Variants in FBXL2 observed in about 807,000 individuals in gnomAD.
FBXL2 encodes the protein F-box and leucine rich repeat protein 2.
Under a neutral mutation model 69.2 loss-of-function variants are expected in FBXL2, and 38 were observed. The ratio of observed to expected loss-of-function variants is 0.55; its 90% CI spans 0.42 to 0.72. FBXL2 has a LOEUF of 0.72. Ranked by LOEUF, FBXL2 falls within the 30% of genes least tolerant of loss-of-function variation. The pLI, the probability that FBXL2 is intolerant of heterozygous loss-of-function variation, is 0.00. For missense variants in FBXL2, 354 were observed against 520.3 expected (o/e 0.68, Z 3.11); for synonymous variants, 192 against 201.3 (o/e 0.95, Z 0.39).
At chr3:33,369,977 CTTT>C (rs1398318527) in intron 5 of FBXL2, among the ~76,000 whole-genome samples, 1 of 152,114 alleles carries the variant, frequency 6.6e-6, no homozygotes, top group Non-Finnish European at 1.5e-5. Flanking sequence ...CCAGTCATTC[CTTT>C]CTGTAGACAC....
chr3:33,360,527 C>G (rs1304850978), intron 4 of FBXL2, among the ~76,000 whole-genome samples: 1 of 152,164 alleles, frequency 6.6e-6, no homozygotes, highest in East Asian at 1.9e-4. Flanking sequence ...GGGCAGGGAC[C>G]TCAAGGATTC....
intron 2 of FBXL2, among the ~76,000 whole-genome samples, chr3:33,303,548 C>T (rs886938676): frequency 1.3e-5 from 2 of 152,062 alleles, no homozygotes; most frequent in African/African-American, 4.8e-5. Flanking sequence ...AGGATAGAAA[C>T]TAGATACATT....
chr3:33,377,264 TCTC>T lies in FBXL2; in HGVS notation c.789-5_789-3del, dbSNP rs1397382371. On this transcript the variant is annotated splice_region_variant and splice_polypyrimidine_tract_variant and intron_variant, in intron 10 of 14. Coordinates refer to ENST00000484457, the MANE Select transcript of FBXL2 (RefSeq NM_012157.5). ...ACCGTTTTCTCCCCTGTACCCACTT[TCTC>T]CTCAGAATTTTGGAGGCTGCCCGAT... 2 of 1,614,010 alleles carry T rather than the reference TCTC, an allele frequency of 1.2e-6. No individual in the cohort carries two copies. Among genetic ancestry groups the T allele is most frequent in the Non-Finnish European group, 1.7e-6 (2 of 1,179,910 alleles).
At chr3:33,370,278 C>T (rs569558384) in intron 5 of FBXL2, among the ~76,000 whole-genome samples, 7 of 151,924 alleles carry the variant, frequency 4.6e-5, no homozygotes, top group Non-Finnish European at 8.8e-5. Context: ...ATTAGCCGGG[C>T]GTGATGGCGG....
intron 2 of FBXL2, among the ~76,000 whole-genome samples, chr3:33,354,258 A>T (rs748178857): frequency 1.2e-4 from 18 of 152,082 alleles, no homozygotes; most frequent in South Asian, 2.1e-4. Context: ...TCACGCCTGT[A>T]ATCCGAGCAC....
downstream of FBXL2, chr3:33,392,506 G>C (rs2043808550): frequency 6.8e-7 from 1 of 1,462,648 alleles, no homozygotes; most frequent in African/African-American, 1.4e-5. Context: ...ACTAATTAGA[G>C]GCACACACCA....
At chr3:33,406,205 T>C (rs559735160), downstream of FBXL2, among the ~76,000 whole-genome samples, 20 of 152,298 alleles carry the variant, frequency 1.3e-4, no homozygotes, top group East Asian at 3.1e-3. Context: ...CTTGAGGAGA[T>C]TGAGGTCAGC....
chr3:33,392,897 T>C (rs765757249), downstream of FBXL2: 3 of 372,428 alleles, frequency 8.1e-6, no homozygotes, highest in Non-Finnish European at 1.4e-5. Context: ...CGAACAAAAA[T>C]TGCATAAAGT....
At chr3:33,369,999 A>T (rs184757521) in intron 5 of FBXL2, among the ~76,000 whole-genome samples, 9 of 152,312 alleles carry the variant, frequency 5.9e-5, no homozygotes, top group African/African-American at 1.9e-4. Context: ...ACATATTTTT[A>T]TCTGGTATCA....
chr3:33,358,129 G>A (rs2041345336), intron 2 of FBXL2, among the ~76,000 whole-genome samples: 1 of 152,160 alleles, frequency 6.6e-6, no homozygotes, highest in African/African-American at 2.4e-5. Flanking sequence ...ACACTCAGAG[G>A]CACAGACTCT....
intron 2 of FBXL2, among the ~76,000 whole-genome samples, chr3:33,310,019 A>T (rs1225152325): frequency 6.6e-6 from 1 of 152,172 alleles, no homozygotes; most frequent in Non-Finnish European, 1.5e-5. Context: ...AAAAAGTCAC[A>T]TACAAAAACT....
In FBXL2 at chr3:33,396,120, C is replaced by CA; in HGVS notation, n.1215-7113dup. 5 of 1,484,346 alleles carry CA rather than the reference C, an allele frequency of 3.4e-6. No individual in the cohort carries two copies. The African/African-American group carries it at 4.1e-5, about 12-fold the overall frequency. The allele number at this position is 1,484,346 out of a possible 1,614,324, so 91.9% of individuals were successfully genotyped here. A position where few individuals can be genotyped will look rare whatever the true frequency, so the allele number is the denominator to read the frequency against. ...TCGAGTCCTTTCCGTTTCTGTCTGA[C>CA]AGTCTCAGAAGTGACAGAATTGAGA... is the stretch of plus-strand genomic sequence containing the variant. On this transcript the variant is annotated intron_variant and non_coding_transcript_variant, in intron 12 of 12. Transcript: ENST00000463736.
At chr3:33,291,454 A>G (rs893092811) in intron 1 of FBXL2, among the ~76,000 whole-genome samples, 1 of 152,218 alleles carries the variant, frequency 6.6e-6, no homozygotes, top group Non-Finnish European at 1.5e-5. Context: ...GGGTAAATAT[A>G]TGGATAAATA....
chr3:33,407,977 G>A (rs1559678488), downstream of FBXL2, among the ~76,000 whole-genome samples: 1 of 152,074 alleles, frequency 6.6e-6, no homozygotes. Flanking sequence ...TACTTAACTG[G>A]ACAAAGCACA....
At chr3:33,410,454 T>G in the FBXL2 span, among the ~76,000 whole-genome samples, 1 of 152,262 alleles carries the variant, frequency 6.6e-6, no homozygotes, top group Non-Finnish European at 1.5e-5. Flanking sequence ...ACATCAATAT[T>G]CAACGGATAT....
intron 2 of FBXL2, among the ~76,000 whole-genome samples, chr3:33,309,307 T>C (rs2036984766): frequency 6.6e-6 from 1 of 152,272 alleles, no homozygotes; most frequent in African/African-American, 2.4e-5. Flanking sequence ...TGAGTGCCTA[T>C]ATATTTACAA....
intron 4 of FBXL2, among the ~76,000 whole-genome samples, chr3:33,362,797 CT>C (rs58449041): frequency 0.023 from 3,375 of 144,650 alleles, 124 homozygotes; most frequent in African/African-American, 0.08. Context: ...TGTAGAGCTG[CT>C]TTTTTTTTTC....
intron 13 of FBXL2, chr3:33,382,417 G>C (rs185525217): frequency 6.6e-6 from 1 of 152,162 alleles, no homozygotes; most frequent in East Asian, 1.9e-4. Context: ...CCCAAAAGTC[G>C]TGACTTCCAA....
chr3:33,377,748 C>A (rs1347038354), intron 11 of FBXL2, among the ~76,000 whole-genome samples: 2 of 152,196 alleles, frequency 1.3e-5, no homozygotes, highest in Non-Finnish European at 2.9e-5. Context: ...TACCTCCACC[C>A]AACCCCCACA....
Sources: allele counts gnomAD v4.1 joint callset (sites outside exome capture counted in the v4.1 genomes callset), GRCh38; gene constraint gnomAD v4.1.1; transcripts MANE v1.5; gene names NCBI Gene and HGNC (gene_info 2026-07-23, HGNC 2026-07-21).